EFTUD2: variants seen among roughly 807,000 people sequenced by gnomAD.
EFTUD2 encodes 116 kDa U5 small nuclear ribonucleoprotein component.
Under a neutral mutation model 114.3 loss-of-function variants are expected in EFTUD2, and 9 were observed. That is an observed-to-expected ratio of 0.08 (90% CI 0.05 to 0.14). The LOEUF (loss-of-function observed/expected upper bound fraction) is 0.14. Ranked by LOEUF, EFTUD2 falls within the 10% of genes least tolerant of loss-of-function variation. The probability of loss-of-function intolerance (pLI) is 1.00; values close to 1 mark genes in which losing one functional copy is unlikely to be tolerated. For synonymous variants in EFTUD2, 449 were observed against 462.3 expected (o/e 0.97, Z 0.37); for missense variants, 765 against 1,241.2 (o/e 0.62, Z 5.76).
chr17:44,852,352 G>A, intron 26 of EFTUD2, 57 bp downstream of exon 26: 6 of 1,606,628 alleles, frequency 3.7e-6, no homozygotes, highest in Non-Finnish European at 4.3e-6. Context: ...AGGACAGAAG[G>A]GGATGAGGCT....
At chr17:44,861,359 C>T (rs1484683809) in intron 16 of EFTUD2, among the ~76,000 whole-genome samples, 5 of 147,476 alleles carry the variant, frequency 3.4e-5, no homozygotes, top group South Asian at 2.2e-4. Context: ...GCAGGAGAAT[C>T]GCTTGAACCC....
intron 8 of EFTUD2, 127 bp from the exon 9 acceptor site, chr17:44,879,765 A>C: frequency 1.2e-6 from 1 of 865,538 alleles, no homozygotes; most frequent in Non-Finnish European, 1.8e-6. Context: ...CCTCGCCATA[A>C]CCCCCCACAG....
At chr17:44,889,838 GT>G (rs1454367882) in intron 2 of EFTUD2, among the ~76,000 whole-genome samples, 5 of 152,122 alleles carry the variant, frequency 3.3e-5, no homozygotes, top group African/African-American at 1.2e-4. Flanking sequence ...TATCAAGCCA[GT>G]TTTCTCCTGC....
chr17:44,871,914 G>A (rs924929939), intron 11 of EFTUD2, among the ~76,000 whole-genome samples: 14 of 152,210 alleles, frequency 9.2e-5, no homozygotes, highest in African/African-American at 3.4e-4. Flanking sequence ...AAGATGAAGA[G>A]CCAGGGAGTC....
intron 9 of EFTUD2, among the ~76,000 whole-genome samples, chr17:44,877,751 A>T (rs1347641131): frequency 1.3e-5 from 2 of 152,098 alleles, no homozygotes; most frequent in East Asian, 3.9e-4. Flanking sequence ...GGTTGCAGTG[A>T]GCCAAGATTG....
At chr17:44,898,479 C>T (rs2051441051) in intron 1 of EFTUD2, among the ~76,000 whole-genome samples, 2 of 152,214 alleles carry the variant, frequency 1.3e-5, no homozygotes, top group Non-Finnish European at 2.9e-5. Flanking sequence ...GTCTTTCTCC[C>T]AAAGTGCTGG....
chr17:44,863,007 G>A, intron 15 of EFTUD2, 101 bp from the exon 16 acceptor site: 3 of 993,972 alleles, frequency 3.0e-6, no homozygotes, highest in Non-Finnish European at 1.5e-6. Context: ...GCTCTATGAG[G>A]AGCTAGAGAA....
At chr17:44,860,073 G>A (rs761141634) in intron 17 of EFTUD2, 28 bp from the exon 18 acceptor site, 18 of 1,614,162 alleles carry the variant, frequency 1.1e-5, no homozygotes, top group South Asian at 2.2e-5. Flanking sequence ...AAGGACTGAG[G>A]GCAACTGGCA....
At position 44,850,264 on chromosome 17, in the gene EFTUD2, C is replaced by A. The variant is rs371571998; in HGVS notation, c.*1010G>T. The A allele has an allele frequency of 1.5e-6, 2 of 1,304,146 alleles. No homozygotes were observed. The highest frequency in any genetic ancestry group is 2.3e-5 in the East Asian group (1 of 42,840). The allele number at this position is 1,304,146 out of a possible 1,614,324, so 80.8% of individuals were successfully genotyped here. A position where few individuals can be genotyped will look rare whatever the true frequency, so the allele number is the denominator to read the frequency against. The stretch of plus-strand genomic sequence containing the variant: ...AGCAGCTAGAGGTGAACCCCTAGGA[C>A]GCCTGAGAGCCAGAGGACGGGTGAA... On this transcript the variant is annotated 3_prime_UTR_variant, in exon 28 of 28. Transcript: ENST00000426333.
At chr17:44,871,736 C>T (rs180741965) in intron 11 of EFTUD2, among the ~76,000 whole-genome samples, 4 of 152,240 alleles carry the variant, frequency 2.6e-5, no homozygotes, top group East Asian at 1.9e-4. Context: ...AGAATAGAAA[C>T]GCTGATGCTC....
intron 11 of EFTUD2, 85 bp downstream of exon 11, chr17:44,872,361 C>A: frequency 1.9e-6 from 3 of 1,573,746 alleles, no homozygotes; most frequent in Non-Finnish European, 2.6e-6. Context: ...GGTGCTGATA[C>A]GAAGCCAATT....
At chr17:44,857,523 A>AC (rs1332170409) in intron 19 of EFTUD2, 2 of 265,746 alleles carry the variant, frequency 7.5e-6, no homozygotes, top group African/African-American at 4.4e-5. Flanking sequence ...ACTGGCGTGC[A>AC]CCCATGTCAT....
chr17:44,872,637 G>C (rs2050876459), intron 10 of EFTUD2, 67 bp from the exon 11 acceptor site: 1 of 1,499,002 alleles, frequency 6.7e-7, no homozygotes, highest in Non-Finnish European at 8.9e-7. Context: ...CCAAGGGGAA[G>C]GGCAGGAACT....
chr17:44,889,578 C>T (rs914100859), intron 2 of EFTUD2, among the ~76,000 whole-genome samples: 1 of 152,270 alleles, frequency 6.6e-6, no homozygotes, highest in East Asian at 1.9e-4. Flanking sequence ...ACAAATCATT[C>T]GTAAGAACGG....
At chr17:44,888,974 G>A (rs2051226896) in intron 2 of EFTUD2, among the ~76,000 whole-genome samples, 1 of 152,204 alleles carries the variant, frequency 6.6e-6, no homozygotes, top group African/African-American at 2.4e-5. Flanking sequence ...CCAGAGGAGT[G>A]AGTGTAGACA....
intron 13 of EFTUD2, among the ~76,000 whole-genome samples, 171 bp downstream of exon 13, chr17:44,867,636 T>C (rs576748145): frequency 6.6e-6 from 1 of 152,164 alleles, no homozygotes; most frequent in African/African-American, 2.4e-5. Context: ...TAGAGTAATG[T>C]AGTGTTCTGG....
intron 5 of EFTUD2, 86 bp downstream of exon 5, chr17:44,883,563 C>A: frequency 7.7e-7 from 1 of 1,303,034 alleles, no homozygotes; most frequent in Non-Finnish European, 1.1e-6. Flanking sequence ...TGACCTCAAA[C>A]CTCAACCGCT....
intron 9 of EFTUD2, among the ~76,000 whole-genome samples, chr17:44,878,664 T>C (rs894935268): frequency 8.6e-5 from 13 of 151,850 alleles, no homozygotes; most frequent in Admixed American, 2.0e-4. Flanking sequence ...AAGGGGAAAA[T>C]GTACACACCT....
At chr17:44,893,120 ATT>A (rs71363505) in intron 2 of EFTUD2, among the ~76,000 whole-genome samples, 24 of 140,468 alleles carry the variant, frequency 1.7e-4, no homozygotes, top group Non-Finnish European at 1.4e-4. Context: ...CTCAACAGTC[ATT>A]TTTTTTTTTT....
Sources: allele counts gnomAD v4.1 joint callset (sites outside exome capture counted in the v4.1 genomes callset), GRCh38; gene constraint gnomAD v4.1.1; transcripts MANE v1.5; gene names NCBI Gene and HGNC (gene_info 2026-07-23, HGNC 2026-07-21).